GIPC2: variants seen among roughly 807,000 people sequenced by gnomAD.
GIPC2 encodes GIPC PDZ domain containing family member 2, also known as PDZ domain-containing protein GIPC2.
In GIPC2, 30 loss-of-function variants were observed where a neutral mutation model predicts 30.6. That is an observed-to-expected ratio of 0.98 (90% CI 0.73 to 1.33). The LOEUF (loss-of-function observed/expected upper bound fraction) is 1.33. GIPC2 is among the 40% of genes most tolerant of loss of function. The pLI is 0.00. For missense variants in GIPC2, 414 were observed against 390.3 expected (o/e 1.06, Z -0.51); for synonymous variants, 167 against 150.0 (o/e 1.11, Z -0.83).
intron 1 of GIPC2, among the ~76,000 whole-genome samples, chr1:78,065,995 T>C (rs117289915): frequency 0.015 from 2,236 of 152,338 alleles, 62 homozygotes; most frequent in East Asian, 0.12. Context: ...AAAGATTTCA[T>C]GATGAAGACA....
At chr1:78,066,228 A>G (rs1216795332) in intron 1 of GIPC2, among the ~76,000 whole-genome samples, 1 of 152,236 alleles carries the variant, frequency 6.6e-6, no homozygotes, top group East Asian at 1.9e-4. Flanking sequence ...GGCAAAGAAC[A>G]TGAACAGACA....
At chr1:78,079,394 G>C (rs1459890682) in intron 1 of GIPC2, among the ~76,000 whole-genome samples, 4 of 152,140 alleles carry the variant, frequency 2.6e-5, no homozygotes, top group African/African-American at 9.7e-5. Context: ...GACACATTTT[G>C]ACATGGCCTA....
chr1:78,107,561 A>T (rs990453919), intron 3 of GIPC2, among the ~76,000 whole-genome samples: 4 of 152,124 alleles, frequency 2.6e-5, no homozygotes, highest in African/African-American at 9.7e-5. Context: ...GTGGTGGCTC[A>T]TGCCTGTAAT....
At chr1:78,113,379 A>T (rs565672681) in intron 3 of GIPC2, among the ~76,000 whole-genome samples, 8 of 151,892 alleles carry the variant, frequency 5.3e-5, no homozygotes, top group Non-Finnish European at 7.4e-5. Flanking sequence ...TGGCTGATGA[A>T]ATATTTTGTT....
At chr1:78,119,987 A>G (rs78945597) in intron 4 of GIPC2, among the ~76,000 whole-genome samples, 1,929 of 152,202 alleles carry the variant, frequency 0.013, 44 homozygotes, top group African/African-American at 0.044. Flanking sequence ...CCTGCCCACC[A>G]CTGTGCCCCA....
chr1:78,097,274 TTGTCTGATTCTC>T (rs1374101783), intron 3 of GIPC2, among the ~76,000 whole-genome samples: 1 of 152,186 alleles, frequency 6.6e-6, no homozygotes, highest in Non-Finnish European at 1.5e-5. Flanking sequence ...TCCTTCATGA[TTGTCTGATTCTC>T]TGTCCTCTTG....
intron 1 of GIPC2, among the ~76,000 whole-genome samples, chr1:78,060,900 C>CT (rs34398214): frequency 0.23 from 33,911 of 145,322 alleles, 4,108 homozygotes; most frequent in East Asian, 0.51. Context: ...ACTTTATCTT[C>CT]TTTTTTTTTT....
intron 3 of GIPC2, among the ~76,000 whole-genome samples, chr1:78,115,324 T>C (rs777042980): frequency 6.6e-6 from 1 of 152,148 alleles, no homozygotes; most frequent in South Asian, 2.1e-4. Context: ...CCAAAGCACA[T>C]GTGGTAGATG....
chr1:78,114,928 T>A (rs1414290911), intron 3 of GIPC2, among the ~76,000 whole-genome samples: 1 of 152,222 alleles, frequency 6.6e-6, no homozygotes, highest in Admixed American at 6.5e-5. Flanking sequence ...CCTTCTGTAC[T>A]TTCTGCTCAG....
chr1:78,107,520 C>A (rs1344615505), intron 3 of GIPC2, among the ~76,000 whole-genome samples: 1 of 151,810 alleles, frequency 6.6e-6, no homozygotes, highest in African/African-American at 2.4e-5. Context: ...AACAAGAAAA[C>A]AATTATTTTA....
rs71590709 is a variant in GIPC2, at chr1:78,100,941, T to TACACACAC, written c.607+5843_607+5850dup. Among the ~76,000 whole-genome samples, 367 of 114,878 alleles carry TACACACAC rather than the reference T, an allele frequency of 3.2e-3. 3 individuals are homozygous for TACACACAC. The highest frequency in any genetic ancestry group is 7.6e-3 in the East Asian group (36 of 4,746). The allele number at this position is 114,878 out of a possible 152,430, so 75.4% of individuals were successfully genotyped here. On this transcript the variant is annotated intron_variant, in intron 3 of 5. Coordinates refer to ENST00000370759, the MANE Select transcript of GIPC2 (RefSeq NM_017655.6). ...TGAGACCCTGTCAAAAAAAAAAAAA[T>TACACACAC]ACACACACACACACACACACACACA...
intron 4 of GIPC2, among the ~76,000 whole-genome samples, chr1:78,120,549 T>A (rs1361725830): frequency 2.6e-5 from 4 of 152,192 alleles, no homozygotes; most frequent in African/African-American, 9.6e-5. Context: ...TTCACACTGC[T>A]AATAAAGACA....
intron 3 of GIPC2, among the ~76,000 whole-genome samples, chr1:78,108,244 C>CT (rs961960584): frequency 1.1e-4 from 16 of 152,102 alleles, no homozygotes; most frequent in Non-Finnish European, 2.2e-4. Context: ...GGTTTGTAAT[C>CT]TTTTTTTGTA....
rs569314448 is a variant in GIPC2, at chr1:78,066,638, T to C, written c.241-14037T>C. Among the ~76,000 whole-genome samples, 6 of 152,282 alleles carry C rather than the reference T, an allele frequency of 3.9e-5. No homozygotes were observed. The South Asian group carries it at 1.2e-3, about 32-fold the overall frequency. On this transcript the variant is annotated intron_variant, in intron 1 of 5. Coordinates refer to ENST00000370759, the MANE Select transcript of GIPC2 (RefSeq NM_017655.6). ...AGCAAAGACATGGATTCAACCTAAA[T>C]GCCTATCAGTAGTAGACTGGAAAAG...
chr1:78,076,637 ACCT>A (rs1478365515), intron 1 of GIPC2, among the ~76,000 whole-genome samples: 1 of 151,786 alleles, frequency 6.6e-6, no homozygotes, highest in Non-Finnish European at 1.5e-5. Flanking sequence ...CCTGCTACTC[ACCT>A]CCTGCTGTGT....
chr1:78,086,673 A>G (rs574794230), intron 2 of GIPC2, among the ~76,000 whole-genome samples: 1 of 152,246 alleles, frequency 6.6e-6, no homozygotes, highest in East Asian at 1.9e-4. Flanking sequence ...TTTTACCATT[A>G]TATAATTCCC....
At chr1:78,060,031 CT>C (rs1276978533) in intron 1 of GIPC2, among the ~76,000 whole-genome samples, 1 of 152,132 alleles carries the variant, frequency 6.6e-6, no homozygotes, top group African/African-American at 2.4e-5. Context: ...ATATTTTCTG[CT>C]TTTCTGACAT....
At chr1:78,108,526 T>C (rs1405234826) in intron 3 of GIPC2, among the ~76,000 whole-genome samples, 1 of 152,234 alleles carries the variant, frequency 6.6e-6, no homozygotes, top group East Asian at 1.9e-4. Flanking sequence ...AGACAACAAC[T>C]GACACCTTCA....
intron 1 of GIPC2, among the ~76,000 whole-genome samples, chr1:78,049,684 C>T (rs372310480): frequency 2.8e-4 from 43 of 152,150 alleles, no homozygotes; most frequent in African/African-American, 8.5e-4. Context: ...CTGTGCTAGG[C>T]CTGTAAGCCT....
Sources: gnomAD v4.1 joint callset for allele counts (sites outside exome capture counted in the v4.1 genomes callset) on GRCh38, gnomAD v4.1.1 for gene constraint, MANE v1.5 for transcripts, NCBI Gene and HGNC (gene_info 2026-07-23, HGNC 2026-07-21) for gene names.